Variants in MEGF11 observed in about 807,000 individuals in gnomAD.
MEGF11 encodes multiple epidermal growth factor-like domains protein 11.
A neutral mutation model predicts 146.6 loss-of-function variants in MEGF11; 126 were observed. The ratio of observed to expected loss-of-function variants is 0.86; its 90% CI spans 0.74 to 1.00. The LOEUF (loss-of-function observed/expected upper bound fraction) is 1.00. Among genes scored for constraint, MEGF11 ranks in the 50% least tolerant of loss-of-function variants. The pLI, the probability that MEGF11 is intolerant of heterozygous loss-of-function variation, is 0.00. For synonymous variants in MEGF11, 532 were observed against 583.4 expected (o/e 0.91, Z 1.27); for missense variants, 1,509 against 1,521.2 (o/e 0.99, Z 0.13).
chr15:66,232,652 C>T (rs1007811065), intron 1 of MEGF11, among the ~76,000 whole-genome samples: 1 of 152,116 alleles, frequency 6.6e-6, no homozygotes, highest in African/African-American at 2.4e-5. Flanking sequence ...ATCATACCAC[C>T]CCCAGGAGAA....
At chr15:65,908,671 C>G (rs939020042) in intron 23 of MEGF11, among the ~76,000 whole-genome samples, 2 of 152,222 alleles carry the variant, frequency 1.3e-5, no homozygotes, top group African/African-American at 4.8e-5. Context: ...TCCCTGTTAT[C>G]CACTCCAACA....
At chr15:66,055,181 G>A (rs769208431) in intron 5 of MEGF11, among the ~76,000 whole-genome samples, 7 of 152,138 alleles carry the variant, frequency 4.6e-5, no homozygotes, top group East Asian at 1.9e-4. Flanking sequence ...AAACTGTACC[G>A]GTTTAGCTCT....
chr15:66,009,769 A>T (rs1444865154), intron 5 of MEGF11, among the ~76,000 whole-genome samples: 1 of 151,328 alleles, frequency 6.6e-6, no homozygotes, highest in Non-Finnish European at 1.5e-5. Flanking sequence ...ATTTTTTTTG[A>T]ATTTTTAGTA....
At chr15:65,918,489 C>T (rs2079074242) in intron 15 of MEGF11, among the ~76,000 whole-genome samples, 1 of 152,226 alleles carries the variant, frequency 6.6e-6, no homozygotes, top group South Asian at 2.1e-4. Flanking sequence ...ACCAACATCA[C>T]GGATTCCACA....
At chr15:65,995,866 C>T (rs2082181175) in intron 5 of MEGF11, among the ~76,000 whole-genome samples, 1 of 152,214 alleles carries the variant, frequency 6.6e-6, no homozygotes, top group Non-Finnish European at 1.5e-5. Context: ...GCAGCAAACA[C>T]ACAATGCGCC....
At chr15:66,228,699 G>A (rs767176055) in intron 1 of MEGF11, among the ~76,000 whole-genome samples, 9 of 152,214 alleles carry the variant, frequency 5.9e-5, no homozygotes. Context: ...TGCCAGTGCT[G>A]GATGGTTTCC....
rs145975128 is a variant in MEGF11 at position 65,925,393 on chromosome 15, G to A, written c.1676-2424C>T. Among the ~76,000 whole-genome samples the A allele has an allele frequency of 3.3e-5, 5 of 152,332 alleles. No homozygotes were observed. In the East Asian group the frequency reaches 9.6e-4, roughly 29 times the overall value. ...TTATATTCTGGGCCTGTTTCTGTGG[G>A]AGTGGGGCTGTTTGTGGTTCTTATA... On this transcript the variant is annotated intron_variant, in intron 13 of 25. Transcript: ENST00000395614.
intron 1 of MEGF11, among the ~76,000 whole-genome samples, chr15:66,139,272 A>AT (rs1190604186): frequency 2.6e-5 from 4 of 152,180 alleles, no homozygotes; most frequent in Non-Finnish European, 4.4e-5. Flanking sequence ...CCACTAAAAA[A>AT]CAGTACTGTG....
chr15:65,904,233 T>TA (rs1252156261), intron 24 of MEGF11, among the ~76,000 whole-genome samples: 2 of 152,172 alleles, frequency 1.3e-5, no homozygotes, highest in Non-Finnish European at 2.9e-5. Context: ...GAAAGGCCCT[T>TA]AGAGAGCTTT....
chr15:66,187,807 G>A (rs1331267312), intron 1 of MEGF11, among the ~76,000 whole-genome samples: 4 of 152,206 alleles, frequency 2.6e-5, no homozygotes, highest in Admixed American at 2.6e-4. Flanking sequence ...GCTTCCTGAG[G>A]ATCCGCCAGC....
At chr15:66,172,537 C>T (rs1279212956) in intron 1 of MEGF11, among the ~76,000 whole-genome samples, 3 of 152,102 alleles carry the variant, frequency 2.0e-5, no homozygotes, top group Non-Finnish European at 2.9e-5. Flanking sequence ...CCACAGGCTG[C>T]CTGTGTCATG....
At chr15:66,091,343 T>C (rs2086313683) in intron 5 of MEGF11, among the ~76,000 whole-genome samples, 1 of 152,168 alleles carries the variant, frequency 6.6e-6, no homozygotes, top group Admixed American at 6.5e-5. Context: ...CACAGCAATA[T>C]CTCAGGGCCA....
At chr15:66,221,475 T>C (rs4776292) in intron 1 of MEGF11, among the ~76,000 whole-genome samples, 101,755 of 151,282 alleles carry the variant, frequency 0.67, 34,517 homozygotes, top group East Asian at 0.87. Context: ...ATTTCACAAC[T>C]GTCAGAGGAC....
At chr15:65,945,259 T>C (rs1026847231) in intron 10 of MEGF11, among the ~76,000 whole-genome samples, 4 of 152,180 alleles carry the variant, frequency 2.6e-5, no homozygotes, top group African/African-American at 9.6e-5. Flanking sequence ...TCAGTCAAGT[T>C]CTCACAGAGT....
At chr15:66,230,284 G>A (rs770178313) in intron 1 of MEGF11, among the ~76,000 whole-genome samples, 3 of 152,110 alleles carry the variant, frequency 2.0e-5, no homozygotes, top group African/African-American at 7.2e-5. Flanking sequence ...AGCTGCCCAC[G>A]GTTCCACCAG....
chr15:66,167,417 G>A lies in MEGF11; in HGVS notation c.-8-39006C>T, dbSNP rs1026856253. Among the ~76,000 whole-genome samples, 12 of 152,076 alleles carry A rather than the reference G, an allele frequency of 7.9e-5. No homozygotes were observed. In the South Asian group the frequency reaches 1.5e-3, roughly 18 times the overall value. On this transcript the variant is annotated intron_variant, in intron 1 of 25. Coordinates refer to ENST00000395614, the MANE Select transcript of MEGF11 (RefSeq NM_001385028.1). The stretch of plus-strand genomic sequence containing the variant: ...AGCACTTTGGGAGGCCGAGGCGGGC[G>A]GATCACCTGAGGTTGGGAGTTTGAG...
At chr15:66,056,416 C>T (rs1269011740) in intron 5 of MEGF11, among the ~76,000 whole-genome samples, 1 of 152,282 alleles carries the variant, frequency 6.6e-6, no homozygotes, top group South Asian at 2.1e-4. Flanking sequence ...AGATATAGTG[C>T]TCAGCCCTGC....
At chr15:65,994,811 A>G (rs552018201) in intron 5 of MEGF11, among the ~76,000 whole-genome samples, 1 of 152,344 alleles carries the variant, frequency 6.6e-6, no homozygotes, top group African/African-American at 2.4e-5. Flanking sequence ...GTTTCAGCCA[A>G]AGGAATTCAC....
intron 1 of MEGF11, among the ~76,000 whole-genome samples, chr15:66,216,820 A>T (rs1387109649): frequency 1.3e-5 from 2 of 152,248 alleles, no homozygotes; most frequent in African/African-American, 2.4e-5. Context: ...TGAGGCACTC[A>T]TTCCCAAGTC....
Sources: allele counts gnomAD v4.1 joint callset (sites outside exome capture counted in the v4.1 genomes callset), GRCh38; gene constraint gnomAD v4.1.1; transcripts MANE v1.5; gene names NCBI Gene and HGNC (gene_info 2026-07-23, HGNC 2026-07-21).